The following NUDT7 variants were observed in gnomAD, a reference collection of about 807,000 sequenced individuals.
NUDT7 encodes peroxisomal coenzyme A diphosphatase NUDT7.
A neutral mutation model predicts 13.1 loss-of-function variants in NUDT7; 19 were observed. The ratio of observed to expected loss-of-function variants is 1.45; its 90% CI spans 1.01 to 2.13. The LOEUF (loss-of-function observed/expected upper bound fraction) is 2.13. Among genes scored for constraint, NUDT7 ranks in the 30% most tolerant of loss-of-function variants. NUDT7 has a pLI of 0.00. For missense variants in NUDT7, 360 were observed against 291.7 expected (o/e 1.23, Z -1.71); for synonymous variants, 132 against 109.7 (o/e 1.20, Z -1.27).
intron 3 of NUDT7, 107 bp downstream of exon 3, chr16:77,736,093 T>TA (rs35984098): frequency 9.4e-7 from 1 of 1,060,522 alleles, no homozygotes; most frequent in Non-Finnish European, 1.4e-6. Context: ...GTACTGTACA[T>TA]AAAGTCAAGA....
chr16:77,727,776 G>C (rs1012994851), intron 2 of NUDT7, among the ~76,000 whole-genome samples: 4 of 152,168 alleles, frequency 2.6e-5, no homozygotes, highest in African/African-American at 7.2e-5. Flanking sequence ...AGAATCACTT[G>C]AACCTGGGAG....
At chr16:77,726,633 A>G (rs1430498860) in intron 2 of NUDT7, among the ~76,000 whole-genome samples, 2 of 152,062 alleles carry the variant, frequency 1.3e-5, no homozygotes, top group African/African-American at 4.8e-5. Flanking sequence ...CATCTCTACT[A>G]AAAATACAAA....
At chr16:77,722,671 C>T in intron 1 of NUDT7, 54 bp downstream of exon 1, 7 of 1,528,880 alleles carry the variant, frequency 4.6e-6, no homozygotes, top group African/African-American at 1.4e-5. Flanking sequence ...CGGCCTTGAT[C>T]GTAGCGGAGG....
intron 2 of NUDT7, among the ~76,000 whole-genome samples, chr16:77,734,071 G>A (rs779590709): frequency 3.9e-5 from 6 of 152,096 alleles, no homozygotes; most frequent in African/African-American, 1.4e-4. Context: ...GGGGCAATGC[G>A]GGGAAAGAGG....
At position 77,722,556 on chromosome 16, in the gene NUDT7, G is replaced by T. The variant is rs750485679; in HGVS notation, c.-27G>T. On this transcript the variant is annotated 5_prime_UTR_variant, in exon 1 of 4. Transcript: ENST00000268533. ...CCGACCGAGCAGCTCCGAGGAGTCCGCCCGGAAACAAACATTCCCCAGGGC... is the reference window on the plus strand; with the variant it reads ...CCGACCGAGCAGCTCCGAGGAGTCCTCCCGGAAACAAACATTCCCCAGGGC... 2.5e-6 allele frequency: 4 copies of T among 1,573,558 alleles called. No homozygotes were observed. The South Asian group carries it at 3.5e-5, about 14-fold the overall frequency.
chr16:77,737,863 A>AT (rs1199017801), intron 3 of NUDT7, among the ~76,000 whole-genome samples: 2 of 151,510 alleles, frequency 1.3e-5, no homozygotes, highest in Admixed American at 1.3e-4. Flanking sequence ...CACTTAGAAA[A>AT]CCAGTGGGTT....
At chr16:77,739,712 C>T (rs1216994397) in intron 3 of NUDT7, among the ~76,000 whole-genome samples, 1 of 152,140 alleles carries the variant, frequency 6.6e-6, no homozygotes, top group Non-Finnish European at 1.5e-5. Context: ...GTTCAAACGC[C>T]TCTGACAACA....
intron 3 of NUDT7, among the ~76,000 whole-genome samples, chr16:77,741,262 A>C (rs2014650920): frequency 6.6e-6 from 1 of 152,214 alleles, no homozygotes. Flanking sequence ...GTAGGAATTT[A>C]TCATACAGAT....
intron 1 of NUDT7, 64 bp from the exon 2 acceptor site, chr16:77,725,367 G>T: frequency 2.1e-6 from 3 of 1,436,150 alleles, no homozygotes; most frequent in Non-Finnish European, 1.9e-6. Flanking sequence ...ACAGAGGCAG[G>T]ACTATAAGCT....
rs573320865 is a variant in NUDT7, at chr16:77,734,479, C to T, written c.190-1349C>T. ...TCTACTAAAAATACAAAAAATTAGC[C>T]GGGCATGCTGGTGGGCACCTGTAGT... is the stretch of plus-strand genomic sequence containing the variant. On this transcript the variant is annotated intron_variant, in intron 2 of 3. Coordinates refer to ENST00000268533, the MANE Select transcript of NUDT7 (RefSeq NM_001105663.3). Among the ~76,000 whole-genome samples the T allele has an allele frequency of 4.3e-4, 65 of 152,116 alleles. 1 individual carries two copies. Among genetic ancestry groups the T allele is most frequent in the African/African-American group, 1.3e-3 (54 of 41,520 alleles).
chr16:77,730,226 A>T (rs761414010), intron 2 of NUDT7, among the ~76,000 whole-genome samples: 4 of 152,184 alleles, frequency 2.6e-5, no homozygotes, highest in Non-Finnish European at 5.9e-5. Flanking sequence ...TCTCGAATTT[A>T]TTCCTCCTGA....
intron 3 of NUDT7, chr16:77,737,388 G>A (rs1387864877): frequency 2.6e-5 from 4 of 152,056 alleles, no homozygotes; most frequent in Non-Finnish European, 5.9e-5. Context: ...TTTTCTCATC[G>A]TTAAGCTGGG....
rs762329400 is a variant in NUDT7 at position 77,725,570 on chromosome 16, G to T, written c.175G>T (p.Val59Phe). Residue 59 changes from valine (V) to phenylalanine (F), a missense_variant, in exon 2 of 4, where the codon GTC (valine) becomes TTC (phenylalanine). Transcript: ENST00000268533. ...KEGKLHLLFT[V>F]RSEKLRRAPG... ...AGGAAAACTCCATTTGTTGTTCACC[G>T]TCCGGTCAGAGAAGGTAGGTGGACA... The T allele has an allele frequency of 1.2e-6, 2 of 1,613,914 alleles. No individual in the cohort carries two copies. Among genetic ancestry groups the T allele is most frequent in the Non-Finnish European group, 1.7e-6 (2 of 1,179,954 alleles).
At chr16:77,726,186 A>T (rs1246264411) in intron 2 of NUDT7, among the ~76,000 whole-genome samples, 2 of 152,226 alleles carry the variant, frequency 1.3e-5, no homozygotes. Context: ...TCTCCTTGCC[A>T]GCTGTGACTT....
intron 1 of NUDT7, among the ~76,000 whole-genome samples, chr16:77,723,740 T>C (rs771983266): frequency 6.6e-6 from 1 of 151,988 alleles, no homozygotes; most frequent in African/African-American, 2.4e-5. Flanking sequence ...TACAGGCATG[T>C]GCCACGATGC....
chr16:77,725,097 A>G (rs1042217499), intron 1 of NUDT7, among the ~76,000 whole-genome samples: 1 of 152,220 alleles, frequency 6.6e-6, no homozygotes, highest in African/African-American at 2.4e-5. Flanking sequence ...AACCTTAACA[A>G]TGACTTTTTC....
Position 77,741,586 on chromosome 16 carries a change from A to G in NUDT7, c.353A>G (p.Asp118Gly), listed in dbSNP as rs1567433925. ...CCLVPCLIDT[D>G]TLITPFVGLI... The stretch of plus-strand genomic sequence containing the variant: ...TGTTTTGTTTTCTGCTTTTAGACAG[A>G]TACATTGATAACTCCATTTGTGGGT... The change falls in exon 4 of 4, where the codon GAT (aspartate) becomes GGT (glycine). Residue 118 changes from aspartate to glycine, a missense_variant. Asp to Gly is a moderately conservative substitution (Grantham distance 94). Coordinates refer to ENST00000268533, the MANE Select transcript of NUDT7 (RefSeq NM_001105663.3). 2 of 1,602,202 alleles carry G rather than the reference A, an allele frequency of 1.2e-6. No homozygotes were observed. Among genetic ancestry groups the G allele is most frequent in the South Asian group, 2.2e-5 (2 of 89,706 alleles).
intron 1 of NUDT7, 76 bp downstream of exon 1, chr16:77,722,693 T>A: frequency 7.0e-7 from 1 of 1,425,006 alleles, no homozygotes. Flanking sequence ...CACCGGGGCC[T>A]TTTGGCCGGG....
rs2014464274 is a variant in NUDT7, at chr16:77,735,869, G to A, written c.231G>A (p.Lys77=). Residue 77 remains lysine, a synonymous_variant, in exon 3 of 4, where the codon AAG becomes AAA. Transcript: ENST00000268533. ...APGEVCFPGG[K]RDPTDMDDAA... ...GAGAAGTTTGCTTCCCTGGAGGTAAGCGTGACCCTACAGACATGGATGATG... is the reference window on the plus strand; with the variant it reads ...GAGAAGTTTGCTTCCCTGGAGGTAAACGTGACCCTACAGACATGGATGATG... 6.2e-7 allele frequency: 1 copy of A among 1,614,004 alleles called. No homozygotes were observed. Among genetic ancestry groups the A allele is most frequent in the African/African-American group, 1.3e-5 (1 of 74,922 alleles).
Sources: allele counts gnomAD v4.1 joint callset (sites outside exome capture counted in the v4.1 genomes callset), GRCh38; gene constraint gnomAD v4.1.1; transcripts MANE v1.5; gene names NCBI Gene and HGNC (gene_info 2026-07-23, HGNC 2026-07-21).